Variants in MKLN1 observed in about 807,000 individuals in gnomAD.
MKLN1 encodes the protein muskelin.
In MKLN1, 18 loss-of-function variants were observed where a neutral mutation model predicts 99.0. The observed-to-expected ratio is 0.18, with a 90% confidence interval of 0.13 to 0.27. MKLN1 has a LOEUF of 0.27. MKLN1 is among the 10% of genes least tolerant of loss of function. The pLI is 1.00. For missense variants in MKLN1, 621 were observed against 875.9 expected, an observed-to-expected ratio of 0.71 and a Z score of 3.67; for synonymous variants, 288 against 293.2, an observed-to-expected ratio of 0.98 and a Z score of 0.18.
intron 1 of MKLN1, among the ~76,000 whole-genome samples, chr7:131,371,611 T>G (rs1357705630): frequency 6.6e-6 from 1 of 152,150 alleles, no homozygotes; most frequent in Non-Finnish European, 1.5e-5. Context: ...CCCCCTTGAT[T>G]TTGCATTTAG....
At chr7:131,202,756 T>G (rs1319216427) in intron 2 of MKLN1, 1 of 152,160 alleles carries the variant, frequency 6.6e-6, no homozygotes, top group Admixed American at 6.5e-5. Flanking sequence ...ACTGGGCTAG[T>G]GTGGAGATCA....
At chr7:131,143,370 G>A (rs12533862) in intron 2 of MKLN1, among the ~76,000 whole-genome samples, 51,133 of 152,000 alleles carry the variant, frequency 0.34, 9,871 homozygotes, top group Non-Finnish European at 0.45. Flanking sequence ...GGAGGTTGAG[G>A]CAGGAGAATC....
intron 2 of MKLN1, among the ~76,000 whole-genome samples, chr7:131,378,597 A>T (rs540551157): frequency 6.6e-6 from 1 of 152,322 alleles, no homozygotes; most frequent in Admixed American, 6.5e-5. Flanking sequence ...TGGGAGGCCA[A>T]GACGGGTGGA....
At chr7:131,316,708 G>A (rs1298628418) in intron 3 of MKLN1, among the ~76,000 whole-genome samples, 4 of 152,140 alleles carry the variant, frequency 2.6e-5, no homozygotes, top group Non-Finnish European at 4.4e-5. Context: ...TAAGAACCTT[G>A]ATAAAAGGTT....
intron 15 of MKLN1, among the ~76,000 whole-genome samples, chr7:131,469,056 G>C (rs1191773362): frequency 6.6e-6 from 1 of 152,094 alleles, no homozygotes; most frequent in Admixed American, 6.6e-5. Flanking sequence ...TTGTACCTCT[G>C]TCTGCTTCTT....
Position 131,442,302 on chromosome 7 carries a change from C to G in MKLN1, c.1174-1179C>G, listed in dbSNP as rs185676560. 2.6e-4 allele frequency among the ~76,000 whole-genome samples: 39 copies of G among 152,290 alleles called. No homozygotes were observed. In the East Asian group the frequency reaches 7.1e-3, roughly 28 times the overall value. ...GTGGCTCATGCCTGTAATCCCAGCA[C>G]TTTGGGAGGCCGAGGCAGGCGGATC... On this transcript the variant is annotated intron_variant, in intron 10 of 17. Transcript: ENST00000352689.
At position 131,387,109 on chromosome 7, in the gene MKLN1, T is replaced by A; in HGVS notation, c.169-11T>A. 1 of 1,581,548 alleles carries A rather than the reference T, an allele frequency of 6.3e-7. No homozygotes were observed. The highest frequency in any genetic ancestry group is 8.5e-7 in the Non-Finnish European group (1 of 1,169,988). ...CAGAAGAGGATATAATTTGGTCGTTTCTTTTTTTAGTACTTGATTCTAAAG... is the reference window on the plus strand; with the variant it reads ...CAGAAGAGGATATAATTTGGTCGTTACTTTTTTTAGTACTTGATTCTAAAG... On this transcript the variant is annotated splice_polypyrimidine_tract_variant and intron_variant, in intron 2 of 17. Transcript: ENST00000352689.
At position 131,184,530 on chromosome 7, in the gene MKLN1, C is replaced by CT. The variant is rs111728654; in HGVS notation, c.-296-18316dup. Among the ~76,000 whole-genome samples, 88 of 148,018 alleles carry CT rather than the reference C, an allele frequency of 5.9e-4. 2 individuals are homozygous for CT. In the South Asian group the frequency reaches 8.3e-3, roughly 14 times the overall value. ...CTTCCATAAATGACTGGCAGTAATA[C>CT]TTTTTTTTTTTGAGATGGAGTTTCG... On this transcript the variant is annotated intron_variant, in intron 2 of 7. Transcript: ENST00000416992.
At chr7:131,403,103 T>C (rs1465773684) in intron 6 of MKLN1, among the ~76,000 whole-genome samples, 1 of 152,212 alleles carries the variant, frequency 6.6e-6, no homozygotes, top group Admixed American at 6.5e-5. Flanking sequence ...ATGTTTTGTC[T>C]ACATTGAAAA....
At chr7:131,331,995 TAAAATC>T (rs1299729538) in intron 1 of MKLN1, among the ~76,000 whole-genome samples, 3 of 152,188 alleles carry the variant, frequency 2.0e-5, no homozygotes, top group African/African-American at 7.2e-5. Flanking sequence ...TCTTATTACT[TAAAATC>T]AAATAGTACT....
At chr7:131,364,482 A>T (rs1470649297) in intron 1 of MKLN1, among the ~76,000 whole-genome samples, 9 of 148,728 alleles carry the variant, frequency 6.1e-5, no homozygotes, top group African/African-American at 9.9e-5. Context: ...TTTTTTTTTT[A>T]AACATTTATT....
At position 131,487,696 on chromosome 7, in the gene MKLN1, A is replaced by G; in HGVS notation, c.2176A>G (p.Lys726Glu). 3.7e-6 allele frequency: 6 copies of G among 1,613,108 alleles called. No individual in the cohort carries two copies. The highest frequency in any genetic ancestry group is 3.4e-6 in the Non-Finnish European group (4 of 1,179,346). Reference protein sequence around the residue: ...NFFPDSMTPPKGNLVDLITL With the variant: ...NFFPDSMTPPEGNLVDLITL ...CTTTCCTGACAGCATGACTCCTCCTAAAGGCAACCTGGTAGACCTCATCAC... is the reference window on the plus strand; with the variant it reads ...CTTTCCTGACAGCATGACTCCTCCTGAAGGCAACCTGGTAGACCTCATCAC... Residue 726 changes from lysine to glutamate, a missense_variant, in exon 18 of 18, where the codon AAA (lysine) becomes GAA (glutamate). By Grantham distance (56) the Lys-to-Glu change is moderately conservative (BLOSUM62 1). This residue lies in a region of MKLN1 where 126 missense variants were observed against 157.4 expected (regional missense o/e 0.80). Transcript: ENST00000352689. The surrounding 1 kb of genome is among the most constrained non-coding windows in gnomAD (Gnocchi z 4.7).
intron 3 of MKLN1, among the ~76,000 whole-genome samples, chr7:131,388,045 T>A (rs1054956672): frequency 2.0e-5 from 3 of 152,136 alleles, no homozygotes; most frequent in African/African-American, 7.2e-5. Flanking sequence ...CGGACGACTG[T>A]AGTCCCATCT....
intron 9 of MKLN1, 41 bp downstream of exon 9, chr7:131,429,186 G>A: frequency 7.6e-7 from 1 of 1,319,922 alleles, no homozygotes; most frequent in East Asian, 2.3e-5. Flanking sequence ...TTACAGAAGG[G>A]GCGTAGATGT....
At chr7:131,288,872 T>C (rs1798172749) in intron 3 of MKLN1, among the ~76,000 whole-genome samples, 1 of 152,238 alleles carries the variant, frequency 6.6e-6, no homozygotes, top group Non-Finnish European at 1.5e-5. Flanking sequence ...TGCCCATTTC[T>C]AACTGCTGAC....
intron 5 of MKLN1, among the ~76,000 whole-genome samples, chr7:131,397,921 A>G (rs1167020429): frequency 6.6e-6 from 1 of 152,162 alleles, no homozygotes; most frequent in East Asian, 1.9e-4. Flanking sequence ...GGTAGTTATG[A>G]TAAGTCTTTT....
chr7:131,156,191 C>A (rs950580088), intron 2 of MKLN1, among the ~76,000 whole-genome samples: 1 of 151,924 alleles, frequency 6.6e-6, no homozygotes, highest in African/African-American at 2.4e-5. Flanking sequence ...CAACCTAATA[C>A]AATAGTTTAT....
chr7:131,310,743 T>C (rs1351795941), intron 3 of MKLN1: 1 of 152,170 alleles, frequency 6.6e-6, no homozygotes, highest in African/African-American at 2.4e-5. Flanking sequence ...GTCAAATCCT[T>C]AGTAAAATAA....
chr7:131,121,341 C>T (rs1383462762), intron 1 of MKLN1, among the ~76,000 whole-genome samples: 1 of 152,134 alleles, frequency 6.6e-6, no homozygotes, highest in African/African-American at 2.4e-5. Flanking sequence ...ATGTCAGCTT[C>T]CCCAGACTCT....
Sources: gnomAD v4.1 joint callset for allele counts (sites outside exome capture counted in the v4.1 genomes callset) on GRCh38, gnomAD v4.1.1 for gene constraint, gnomAD v4.1.1 regional missense constraint, Gnocchi (gnomAD v3.1) non-coding constraint, MANE v1.5 for transcripts, NCBI Gene and HGNC (gene_info 2026-07-23, HGNC 2026-07-21) for gene names.